Variants in MMS19 observed in about 807,000 individuals in gnomAD.
MMS19 encodes the protein MMS19 cytosolic iron-sulfur assembly component.
In MMS19, 77 loss-of-function variants were observed where a neutral mutation model predicts 129.8. The observed-to-expected ratio is 0.59, with a 90% confidence interval of 0.49 to 0.72. MMS19 has a LOEUF of 0.72. Ranked by LOEUF, MMS19 falls within the 30% of genes least tolerant of loss-of-function variation. MMS19 has a pLI of 0.00. For synonymous variants in MMS19, 491 were observed against 502.8 expected (o/e 0.98, Z 0.31); for missense variants, 1,168 against 1,266.3 (o/e 0.92, Z 1.18).
chr10:97,477,032 G>C (rs2035902449), intron 6 of MMS19, 69 bp from the exon 7 acceptor site: 3 of 1,599,136 alleles, frequency 1.9e-6, no homozygotes, highest in Non-Finnish European at 2.6e-6. Context: ...CTCCTAGCCT[G>C]TGTTCTCCCT....
chr10:97,496,850 T>C (rs1337592907), intron 1 of MMS19, among the ~76,000 whole-genome samples: 7 of 152,218 alleles, frequency 4.6e-5, no homozygotes, highest in African/African-American at 1.7e-4. Flanking sequence ...TAAAGGAAAG[T>C]GTACAGGTAT....
chr10:97,467,454 G>T, intron 14 of MMS19, 51 bp downstream of exon 14: 1 of 1,403,318 alleles, frequency 7.1e-7, no homozygotes, highest in Non-Finnish European at 1.0e-6. Flanking sequence ...ATCCTTTATA[G>T]GCTGAAGTGT....
At chr10:97,474,009 T>A (rs895654885) in intron 8 of MMS19, among the ~76,000 whole-genome samples, 1 of 151,116 alleles carries the variant, frequency 6.6e-6, no homozygotes, top group African/African-American at 2.4e-5. Flanking sequence ...TCGGGAGTAG[T>A]GTCATGTGCC....
intron 9 of MMS19, 90 bp from the exon 10 acceptor site, chr10:97,470,293 A>G: frequency 1.2e-6 from 1 of 866,184 alleles, no homozygotes; most frequent in South Asian, 1.4e-5. Flanking sequence ...AGTCCCTAAA[A>G]GCAGGTACTA....
intron 3 of MMS19, 99 bp downstream of exon 3, chr10:97,480,842 CT>C (rs1285222172): frequency 1.3e-6 from 1 of 773,028 alleles, no homozygotes; most frequent in Non-Finnish European, 2.3e-6. Context: ...TTCATAGATA[CT>C]TTAAGCCCTC....
rs372895081 is a variant in MMS19 at position 97,498,323 on chromosome 10, T to G, written c.62A>C (p.His21Pro). 1 of 1,574,984 alleles carries G rather than the reference T, an allele frequency of 6.3e-7. No homozygotes were observed. The highest frequency in any genetic ancestry group is 2.3e-5 in the East Asian group (1 of 43,086). ...CTCTTGCTGACCCACGACGAAGTCG[T>G]GCACGAGGCCCCATAGGGCACCCAT... is the stretch of plus-strand genomic sequence containing the variant. ...APMGALWGLV[H>P]DFVVGQQEGP... The change falls in exon 1 of 31, where the codon CAC becomes CCC. Residue 21 changes from histidine (H) to proline (P), a missense_variant. His to Pro is a moderately conservative substitution (Grantham distance 77, BLOSUM62 -2). Transcript: ENST00000438925.
chr10:97,492,713 G>T (rs1483212696), intron 1 of MMS19, among the ~76,000 whole-genome samples: 1 of 151,020 alleles, frequency 6.6e-6, no homozygotes, highest in Admixed American at 6.6e-5. Flanking sequence ...AGAAAAATTA[G>T]CTGTCCATGA....
intron 1 of MMS19, among the ~76,000 whole-genome samples, chr10:97,491,046 G>C (rs1029150465): frequency 6.6e-6 from 1 of 152,172 alleles, no homozygotes; most frequent in African/African-American, 2.4e-5. Flanking sequence ...CCACAAAAGG[G>C]CATTGCAACA....
At position 97,477,344 on chromosome 10, in the gene MMS19, T is replaced by A. The variant is rs762791828; in HGVS notation, c.493+3A>T. On this transcript the variant is annotated splice_donor_region_variant and intron_variant, in intron 6 of 30. Transcript: ENST00000438925. ...ACATTTCCCAGAAAGCTCTGTCTCT[T>A]ACCTTCTTCCCGGGTTCGCATAAAA... 6.2e-7 allele frequency: 1 copy of A among 1,613,980 alleles called. No homozygotes were observed. The highest frequency in any genetic ancestry group is 8.5e-7 in the Non-Finnish European group (1 of 1,179,876).
In MMS19 at chr10:97,498,256, G is replaced by C. The variant is rs1392733143; in HGVS notation, c.112+17C>G. On this transcript the variant is annotated intron_variant, in intron 1 of 30. Transcript: ENST00000438925. ...GTTGGCCCCCATGCGGAAGGCGCGC[G>C]GCGCCGTCTGCCGTACCTGCAGCCA... 1 of 1,538,224 alleles carries C rather than the reference G, an allele frequency of 6.5e-7. No individual in the cohort carries two copies. The highest frequency in any genetic ancestry group is 2.4e-5 in the East Asian group (1 of 41,362).
At chr10:97,498,472 G>T (rs765640139), upstream of MMS19, 1 of 1,520,702 alleles carries the variant, frequency 6.6e-7, no homozygotes, top group Non-Finnish European at 8.8e-7. Flanking sequence ...AATCTCCGGG[G>T]AAGCGCAAGG....
In MMS19 at chr10:97,467,591, G is replaced by T; in HGVS notation, c.1219-8C>A. 6.2e-7 allele frequency: 1 copy of T among 1,612,910 alleles called. No individual in the cohort carries two copies. The stretch of plus-strand genomic sequence containing the variant: ...TGTCCGCCGCTGGCTGCTCTGTAAC[G>T]TTTCAAGGGGTACTAGAGTCAAAGA... On this transcript the variant is annotated splice_region_variant and splice_polypyrimidine_tract_variant and intron_variant, in intron 13 of 30. Transcript: ENST00000438925.
At position 97,459,502 on chromosome 10, in the gene MMS19, G is replaced by A. The variant is rs983427891; in HGVS notation, c.2764C>T (p.Leu922=). ...TGCACCACACAGTCAGGGCAGGACA[G>A]GGCCTCCAGCAGCAAGGAAAGAAGC... ...PTLLSLLLEA[L]SCPDCVVQLS... Residue 922 remains leucine, a synonymous_variant, in exon 28 of 31, where the codon CTG becomes TTG. Coordinates refer to ENST00000438925, the MANE Select transcript of MMS19 (RefSeq NM_022362.5). The A allele has an allele frequency of 6.2e-7, 1 of 1,613,040 alleles. No homozygotes were observed. The highest frequency in any genetic ancestry group is 1.3e-5 in the African/African-American group (1 of 74,910).
chr10:97,458,676 G>C lies in MMS19; in HGVS notation c.*16C>G. On this transcript the variant is annotated 3_prime_UTR_variant, in exon 31 of 31. Transcript: ENST00000438925. ...CAGGTTAGATTGTCAGAACAGTCTA[G>C]GCCAGGACTGAGGGCTCAGCTGCCA... 6.2e-7 allele frequency: 1 copy of C among 1,603,810 alleles called. No individual in the cohort carries two copies.
intron 1 of MMS19, among the ~76,000 whole-genome samples, chr10:97,497,740 AAGG>A (rs751569124): frequency 6.6e-6 from 1 of 152,366 alleles, no homozygotes; most frequent in African/African-American, 2.4e-5. Context: ...AGAAAGTCTT[AAGG>A]AGGACACCCA....
At chr10:97,480,735 A>G (rs965018717) in intron 3 of MMS19, among the ~76,000 whole-genome samples, 17 of 152,154 alleles carry the variant, frequency 1.1e-4, no homozygotes, top group African/African-American at 4.1e-4. Flanking sequence ...CACCATGCCC[A>G]GCTAACGTTT....
chr10:97,468,552 G>T, intron 12 of MMS19, 146 bp from the exon 13 acceptor site: 1 of 735,874 alleles, frequency 1.4e-6, no homozygotes, highest in South Asian at 2.3e-5. Flanking sequence ...TAGGGCTATC[G>T]CCCCCAAATC....
chr10:97,469,731 G>C lies in MMS19; in HGVS notation c.847-8C>G. 2 of 1,613,218 alleles carry C rather than the reference G, an allele frequency of 1.2e-6. No individual in the cohort carries two copies. Among genetic ancestry groups the C allele is most frequent in the Non-Finnish European group, 1.7e-6 (2 of 1,179,376 alleles). On this transcript the variant is annotated splice_region_variant and splice_polypyrimidine_tract_variant and intron_variant, in intron 10 of 30. Coordinates refer to ENST00000438925, the MANE Select transcript of MMS19 (RefSeq NM_022362.5). ...CACAGCACAGCAAGCATTCTGCCAA[G>C]GAAACCGCTGCTATCAGTTATGTAC...
In MMS19 at chr10:97,467,495, G is replaced by C. The variant is rs773983966; in HGVS notation, c.1297+10C>G. 1 of 1,607,206 alleles carries C rather than the reference G, an allele frequency of 6.2e-7. No individual in the cohort carries two copies. Among genetic ancestry groups the C allele is most frequent in the South Asian group, 1.1e-5 (1 of 90,902 alleles). On this transcript the variant is annotated intron_variant, in intron 14 of 30. Transcript: ENST00000438925. ...AGTCCCCAGAGCACTGCAATGGAAGGCAACCTCACCTTTGTCTTCATAGCT... is the reference window on the plus strand; with the variant it reads ...AGTCCCCAGAGCACTGCAATGGAAGCCAACCTCACCTTTGTCTTCATAGCT...
Sources: gnomAD v4.1 joint callset for allele counts (sites outside exome capture counted in the v4.1 genomes callset) on GRCh38, gnomAD v4.1.1 for gene constraint, MANE v1.5 for transcripts, NCBI Gene and HGNC (gene_info 2026-07-23, HGNC 2026-07-21) for gene names.